The following GFPT1 variants were observed in gnomAD, a reference collection of about 807,000 sequenced individuals.
GFPT1 encodes glutamine--fructose-6-phosphate transaminase 1, also known as glutamine--fructose-6-phosphate aminotransferase [isomerizing] 1.
A neutral mutation model predicts 92.0 loss-of-function variants in GFPT1; 40 were observed. The ratio of observed to expected loss-of-function variants is 0.43; its 90% CI spans 0.34 to 0.57. The LOEUF (loss-of-function observed/expected upper bound fraction) is 0.57, where lower values mean the gene tolerates loss of function less well. GFPT1 is among the 20% of genes least tolerant of loss of function. The probability of loss-of-function intolerance (pLI) is 0.02; values close to 1 mark genes in which losing one functional copy is unlikely to be tolerated. For synonymous variants in GFPT1, 269 were observed against 280.6 expected (o/e 0.96, Z 0.41); for missense variants, 448 against 869.1 (o/e 0.52, Z 6.09).
intron 1 of GFPT1, 103 bp downstream of exon 1, chr2:69,386,962 C>T (rs1672143675): frequency 2.1e-6 from 2 of 937,872 alleles, no homozygotes; most frequent in Non-Finnish European, 3.3e-6. Flanking sequence ...AGACTTCGCA[C>T]CCTCCACACT....
intron 11 of GFPT1, among the ~76,000 whole-genome samples, chr2:69,346,720 A>G (rs192140851): frequency 6.2e-4 from 94 of 152,140 alleles, no homozygotes; most frequent in Non-Finnish European, 1.1e-3. Flanking sequence ...TTATGCAATA[A>G]ATGTTATTTC....
rs762212709 is a variant in GFPT1 at position 69,358,460 on chromosome 2, T to A, written c.412A>T (p.Ser138Cys). 1.0e-5 allele frequency: 16 copies of A among 1,601,800 alleles called. No homozygotes were observed. Among genetic ancestry groups the A allele is most frequent in the African/African-American group, 1.3e-5 (1 of 74,666 alleles). Residue 138 changes from serine to cysteine, a missense_variant, in exon 6 of 20, where the codon AGC becomes TGC. Transcript: ENST00000357308. ...NYKDLKKFLESKGYDFESETD... is the reference protein window; with the variant it reads ...NYKDLKKFLECKGYDFESETD... Reference sequence around the variant, plus strand: ...TCAGATTCGAAGTCATAGCCTTTGCTTTCCTGTAAGTAGAAAGAAAAAAAA... The same window carrying A: ...TCAGATTCGAAGTCATAGCCTTTGCATTCCTGTAAGTAGAAAGAAAAAAAA...
intron 6 of GFPT1, among the ~76,000 whole-genome samples, chr2:69,358,056 G>T (rs1030114021): frequency 2.0e-5 from 3 of 152,062 alleles, no homozygotes; most frequent in Admixed American, 1.3e-4. Flanking sequence ...ATGGATGTGT[G>T]CATATATGCA....
chr2:69,334,396 C>A (rs7589970), intron 15 of GFPT1, among the ~76,000 whole-genome samples: 1,922 of 152,054 alleles, frequency 0.013, 50 homozygotes, highest in African/African-American at 0.044. Flanking sequence ...AAATTAAAGT[C>A]TGTACTAAAA....
intron 1 of GFPT1, among the ~76,000 whole-genome samples, chr2:69,374,746 A>T (rs1671833227): frequency 6.6e-6 from 1 of 152,210 alleles, no homozygotes; most frequent in Non-Finnish European, 1.5e-5. Flanking sequence ...TCAAGAAAAA[A>T]ATTTCTAAAG....
intron 17 of GFPT1, among the ~76,000 whole-genome samples, chr2:69,328,806 T>A (rs1029005604): frequency 2.6e-5 from 4 of 151,562 alleles, no homozygotes; most frequent in African/African-American, 9.7e-5. Flanking sequence ...GTTCAAGTGA[T>A]CTTCCCGCCT....
At chr2:69,338,662 T>G in intron 13 of GFPT1, 97 bp from the exon 14 acceptor site, 1 of 1,189,738 alleles carries the variant, frequency 8.4e-7, no homozygotes, top group Non-Finnish European at 1.2e-6. Flanking sequence ...TTTTTCTGAT[T>G]ACAAAAATGA....
chr2:69,351,145 C>G (rs1273707058), intron 9 of GFPT1, among the ~76,000 whole-genome samples: 1 of 152,148 alleles, frequency 6.6e-6, no homozygotes, highest in Non-Finnish European at 1.5e-5. Context: ...CTTTCTTCAA[C>G]TTGGGTTTTC....
chr2:69,360,838 G>A (rs940605396), intron 4 of GFPT1, among the ~76,000 whole-genome samples: 7 of 152,076 alleles, frequency 4.6e-5, no homozygotes, highest in Admixed American at 1.3e-4. Context: ...GGGTTCCAGC[G>A]ATTCTCCTGG....
At chr2:69,354,992 AGAT>A (rs1671301130) in intron 7 of GFPT1, among the ~76,000 whole-genome samples, 2 of 152,060 alleles carry the variant, frequency 1.3e-5, no homozygotes, top group Non-Finnish European at 2.9e-5. Context: ...TGACAGAACA[AGAT>A]CCTATATCCA....
chr2:69,365,374 A>G (rs556237286), intron 3 of GFPT1, among the ~76,000 whole-genome samples: 4 of 152,274 alleles, frequency 2.6e-5, no homozygotes, highest in African/African-American at 9.6e-5. Flanking sequence ...CAGGAGGCTG[A>G]GGTAGGAGAA....
At chr2:69,341,423 A>G (rs1670949941) in intron 13 of GFPT1, among the ~76,000 whole-genome samples, 1 of 152,234 alleles carries the variant, frequency 6.6e-6, no homozygotes, top group African/African-American at 2.4e-5. Context: ...CACTGCTTAA[A>G]TAAATGGCTC....
intron 3 of GFPT1, among the ~76,000 whole-genome samples, chr2:69,367,240 C>G (rs962179027): frequency 1.3e-5 from 2 of 152,196 alleles, no homozygotes; most frequent in African/African-American, 4.8e-5. Flanking sequence ...ATGTCCTATA[C>G]TTTACATACC....
chr2:69,335,061 T>C (rs13003042), intron 15 of GFPT1, among the ~76,000 whole-genome samples: 200 of 152,174 alleles, frequency 1.3e-3, no homozygotes, highest in Admixed American at 2.2e-3. Context: ...AGCTAGAGTG[T>C]AGTGGTGTGA....
chr2:69,363,288 G>A (rs1310904375), intron 4 of GFPT1, among the ~76,000 whole-genome samples: 1 of 151,894 alleles, frequency 6.6e-6, no homozygotes, highest in African/African-American at 2.4e-5. Flanking sequence ...ATTTTTTGTA[G>A]AGACAGGGTC....
intron 15 of GFPT1, among the ~76,000 whole-genome samples, chr2:69,336,730 A>C (rs907404009): frequency 6.6e-6 from 1 of 151,932 alleles, no homozygotes; most frequent in Non-Finnish European, 1.5e-5. Flanking sequence ...CTGAGGCTGC[A>C]GGGAGCTATG....
chr2:69,341,064 T>C (rs1267357470), intron 13 of GFPT1, among the ~76,000 whole-genome samples: 2 of 151,764 alleles, frequency 1.3e-5, no homozygotes, highest in Non-Finnish European at 2.9e-5. Context: ...ACTCAAGCGA[T>C]CCTCCTGCCT....
intron 9 of GFPT1, among the ~76,000 whole-genome samples, chr2:69,352,206 T>C (rs1464885272): frequency 6.6e-6 from 1 of 151,992 alleles, no homozygotes; most frequent in Non-Finnish European, 1.5e-5. Context: ...GAGGTTGCAG[T>C]GAGGTGAGAT....
chr2:69,342,108 A>C, intron 13 of GFPT1, 44 bp downstream of exon 13: 2 of 999,108 alleles, frequency 2.0e-6, no homozygotes, highest in Non-Finnish European at 3.2e-6. Context: ...GTCTACAGAT[A>C]TTCTCTAATA....
Sources: allele counts gnomAD v4.1 joint callset (sites outside exome capture counted in the v4.1 genomes callset), GRCh38; gene constraint gnomAD v4.1.1; transcripts MANE v1.5; gene names NCBI Gene and HGNC (gene_info 2026-07-23, HGNC 2026-07-21).